Variants in ANTXR1 observed in about 807,000 individuals in gnomAD.
The protein encoded by ANTXR1 is ANTXR cell adhesion molecule 1.
A neutral mutation model predicts 78.1 loss-of-function variants in ANTXR1; 19 were observed. The ratio of observed to expected loss-of-function variants is 0.24; its 90% CI spans 0.17 to 0.36. ANTXR1 has a LOEUF of 0.36. Ranked by LOEUF, ANTXR1 falls within the 10% of genes least tolerant of loss-of-function variation. The pLI is 1.00. For missense variants in ANTXR1, 518 were observed against 718.6 expected, an observed-to-expected ratio of 0.72 and a Z score of 3.19; for synonymous variants, 273 against 260.5, an observed-to-expected ratio of 1.05 and a Z score of -0.46.
intron 10 of ANTXR1, among the ~76,000 whole-genome samples, chr2:69,110,950 C>T (rs1026368305): frequency 2.0e-5 from 3 of 152,172 alleles, no homozygotes; most frequent in Non-Finnish European, 4.4e-5. Context: ...GAAAGATACT[C>T]ATCAAAATGT....
intron 13 of ANTXR1, among the ~76,000 whole-genome samples, chr2:69,160,673 G>A (rs931285055): frequency 7.9e-5 from 12 of 152,164 alleles, no homozygotes; most frequent in Admixed American, 3.3e-4. Flanking sequence ...GAGGTATTTA[G>A]ACAGTGAGTT....
Position 69,184,994 on chromosome 2 carries a change from A to C in ANTXR1, c.1353+2334A>C, listed in dbSNP as rs140872301. 4.1e-3 allele frequency among the ~76,000 whole-genome samples: 630 copies of C among 152,254 alleles called. 1 individual carries two copies. The highest frequency in any genetic ancestry group is 0.015 in the African/African-American group (606 of 41,522). On this transcript the variant is annotated intron_variant, in intron 16 of 17. Transcript: ENST00000303714. ...TTTGTTCACAATGCCTCCCTTCTCT[A>C]ATTTCACTTCCAGACTCCCTGAGTG...
At chr2:69,095,040 A>C (rs1165759577) in intron 9 of ANTXR1, among the ~76,000 whole-genome samples, 2 of 152,312 alleles carry the variant, frequency 1.3e-5, no homozygotes, top group African/African-American at 4.8e-5. Context: ...GAGAACTAAC[A>C]GTCCTATTCC....
At chr2:69,229,175 A>C (rs1045074750) in intron 17 of ANTXR1, among the ~76,000 whole-genome samples, 1 of 152,176 alleles carries the variant, frequency 6.6e-6, no homozygotes, top group Non-Finnish European at 1.5e-5. Flanking sequence ...GCTTCAACAC[A>C]TGGATTTGGG....
At chr2:69,037,140 A>G (rs1669459420) in intron 1 of ANTXR1, among the ~76,000 whole-genome samples, 2 of 152,208 alleles carry the variant, frequency 1.3e-5, no homozygotes, top group Admixed American at 6.5e-5. Context: ...CACGTAAGTC[A>G]CGGGAATTGG....
Position 69,246,065 on chromosome 2 carries a change from T to TA in ANTXR1, c.*586dup. The TA allele has an allele frequency of 6.5e-6, 1 of 152,822 alleles. No homozygotes were observed. The allele number at this position is 152,822 out of a possible 1,614,324, so 9.5% of individuals were successfully genotyped here. On this transcript the variant is annotated 3_prime_UTR_variant, in exon 18 of 18. Coordinates refer to ENST00000303714, the MANE Select transcript of ANTXR1 (RefSeq NM_032208.3). ...TGTTCTTCTGGGATTTGCAGGTACATAAAAAATGTATGGCATCTTTTCCTT... is the reference window on the plus strand; with the variant it reads ...TGTTCTTCTGGGATTTGCAGGTACATAAAAAAATGTATGGCATCTTTTCCTT...
At chr2:69,129,024 C>G (rs188324848) in intron 12 of ANTXR1, among the ~76,000 whole-genome samples, 1 of 152,234 alleles carries the variant, frequency 6.6e-6, no homozygotes, top group East Asian at 1.9e-4. Flanking sequence ...GAGATTTTTC[C>G]GTCCAAGAGC....
chr2:69,189,534 G>C lies in ANTXR1; in HGVS notation c.1354-3801G>C, dbSNP rs181624354. 2.8e-4 allele frequency among the ~76,000 whole-genome samples: 42 copies of C among 152,300 alleles called. No individual in the cohort carries two copies. The East Asian group carries it at 7.5e-3, about 27-fold the overall frequency. On this transcript the variant is annotated intron_variant, in intron 16 of 17. Coordinates refer to ENST00000303714, the MANE Select transcript of ANTXR1 (RefSeq NM_032208.3). ...AGTAAAATTCTTTATTAATCAATAG[G>C]AGAGAGGACAGGAACCCTGGAGATG...
At position 69,076,344 on chromosome 2, in the gene ANTXR1, C is replaced by T. The variant is rs140848558; in HGVS notation, c.561+686C>T. Among the ~76,000 whole-genome samples, 8 of 152,120 alleles carry T rather than the reference C, an allele frequency of 5.3e-5. 1 individual carries two copies. The highest frequency in any genetic ancestry group is 4.1e-4 in the South Asian group (2 of 4,830). ...AATGTTCCTTTTCACCCATGAAAAA[C>T]GCAAAGTATTTTCAACACAAAAATA... is the stretch of plus-strand genomic sequence containing the variant. On this transcript the variant is annotated intron_variant, in intron 7 of 17. Transcript: ENST00000303714.
chr2:69,038,500 T>C (rs1001243015), intron 1 of ANTXR1, among the ~76,000 whole-genome samples: 2 of 152,158 alleles, frequency 1.3e-5, no homozygotes, highest in African/African-American at 4.8e-5. Context: ...TTCTAGACAA[T>C]CTGTGTTGTT....
intron 17 of ANTXR1, among the ~76,000 whole-genome samples, chr2:69,193,759 C>A (rs1674599735): frequency 6.6e-6 from 1 of 152,172 alleles, no homozygotes; most frequent in South Asian, 2.1e-4. Flanking sequence ...AGGACTGGCC[C>A]CTACTTGGGG....
rs1287330231 is a variant in ANTXR1, at chr2:69,182,415, A to C, written c.1186-78A>C. The C allele has an allele frequency of 3.9e-6, 6 of 1,525,592 alleles. No homozygotes were observed. The African/African-American group carries it at 8.3e-5, about 21-fold the overall frequency. The allele number at this position is 1,525,592 out of a possible 1,614,324, so 94.5% of individuals were successfully genotyped here. A position where few individuals can be genotyped will look rare whatever the true frequency, so the allele number is the denominator to read the frequency against. Reference sequence around the variant, plus strand: ...TTGGGTAGCATTCACATTGCAACTCATGCATGTATTTGTCATTCTCATTCT... The same window carrying C: ...TTGGGTAGCATTCACATTGCAACTCCTGCATGTATTTGTCATTCTCATTCT... On this transcript the variant is annotated intron_variant, in intron 15 of 17. Transcript: ENST00000303714.
Position 69,245,674 on chromosome 2 carries a change from A to G in ANTXR1, c.*189A>G. 1.3e-6 allele frequency: 1 copy of G among 771,402 alleles called. No homozygotes were observed. The highest frequency in any genetic ancestry group is 1.8e-5 in the South Asian group (1 of 55,812). The allele number at this position is 771,402 out of a possible 1,614,324, so 47.8% of individuals were successfully genotyped here. ...AACAGATATTTTAAATTGCCAGAAAACAAATGATGAGGCAACTACAGTCAG... is the reference window on the plus strand; with the variant it reads ...AACAGATATTTTAAATTGCCAGAAAGCAAATGATGAGGCAACTACAGTCAG... On this transcript the variant is annotated 3_prime_UTR_variant, in exon 18 of 18. Transcript: ENST00000303714.
intron 12 of ANTXR1, among the ~76,000 whole-genome samples, chr2:69,125,017 C>A (rs62134403): frequency 6.6e-6 from 1 of 152,046 alleles, no homozygotes; most frequent in Non-Finnish European, 1.5e-5. Flanking sequence ...ACAGAAAGAA[C>A]GTCTTAGGGA....
chr2:69,172,209 A>C (rs1232196146), intron 14 of ANTXR1, among the ~76,000 whole-genome samples: 1 of 152,168 alleles, frequency 6.6e-6, no homozygotes, highest in Admixed American at 6.6e-5. Flanking sequence ...CGTCAGAAAT[A>C]AATCAAGAAA....
At chr2:69,219,016 T>C (rs576109588) in intron 17 of ANTXR1, among the ~76,000 whole-genome samples, 9 of 152,320 alleles carry the variant, frequency 5.9e-5, no homozygotes, top group Admixed American at 5.2e-4. Context: ...TCAATGGCTA[T>C]GATGTAGAGA....
intron 17 of ANTXR1, among the ~76,000 whole-genome samples, chr2:69,232,284 A>G (rs1675638465): frequency 6.6e-6 from 1 of 152,228 alleles, no homozygotes; most frequent in South Asian, 2.1e-4. Flanking sequence ...TAAATAATTC[A>G]TATTATTTTC....
At chr2:69,044,329 A>G (rs980018057) in intron 2 of ANTXR1, among the ~76,000 whole-genome samples, 2 of 152,044 alleles carry the variant, frequency 1.3e-5, no homozygotes, top group African/African-American at 4.8e-5. Flanking sequence ...TCAAGCTGCA[A>G]CTCATCATTA....
intron 17 of ANTXR1, among the ~76,000 whole-genome samples, chr2:69,195,462 C>T (rs1674647567): frequency 6.6e-6 from 1 of 152,172 alleles, no homozygotes; most frequent in Non-Finnish European, 1.5e-5. Flanking sequence ...TTATGTGAGC[C>T]ACTGCCCAAT....
Sources: gnomAD v4.1 joint callset for allele counts (sites outside exome capture counted in the v4.1 genomes callset) on GRCh38, gnomAD v4.1.1 for gene constraint, MANE v1.5 for transcripts, NCBI Gene and HGNC (gene_info 2026-07-23, HGNC 2026-07-21) for gene names.